Variants in RBL2 observed in about 807,000 individuals in gnomAD.
RBL2 encodes the protein RB transcriptional corepressor like 2.
In RBL2, 56 loss-of-function variants were observed where a neutral mutation model predicts 126.0. The observed-to-expected ratio is 0.44, with a 90% confidence interval of 0.36 to 0.56. The LOEUF (loss-of-function observed/expected upper bound fraction) is 0.56, where lower values mean the gene tolerates loss of function less well. Among genes scored for constraint, RBL2 ranks in the 20% least tolerant of loss-of-function variants. The pLI is 0.00. For missense variants in RBL2, 1,229 were observed against 1,398.2 expected (o/e 0.88, Z 1.93); for synonymous variants, 454 against 478.5 (o/e 0.95, Z 0.67).
intron 3 of RBL2, among the ~76,000 whole-genome samples, chr16:53,443,751 C>G (rs1252552114): frequency 6.6e-6 from 1 of 152,114 alleles, no homozygotes; most frequent in African/African-American, 2.4e-5. Flanking sequence ...GTTTGCTTCT[C>G]TTTAAATATA....
chr16:53,441,269 A>G (rs929730191), intron 2 of RBL2, among the ~76,000 whole-genome samples: 2 of 152,000 alleles, frequency 1.3e-5, no homozygotes, highest in Admixed American at 6.6e-5. Flanking sequence ...CAGGAACTCT[A>G]TATTGCTGGT....
chr16:53,485,758 A>G (rs1407930770), intron 21 of RBL2, among the ~76,000 whole-genome samples: 1 of 151,974 alleles, frequency 6.6e-6, no homozygotes, highest in Non-Finnish European at 1.5e-5. Context: ...CCGGAGGATA[A>G]GGTGGAAGGA....
intron 21 of RBL2, among the ~76,000 whole-genome samples, chr16:53,484,624 C>T (rs1961087771): frequency 1.3e-5 from 2 of 152,070 alleles, no homozygotes; most frequent in East Asian, 3.9e-4. Flanking sequence ...TATGAGTTGT[C>T]CAGAATGGGC....
chr16:53,455,224 A>G (rs2058155807), intron 8 of RBL2, among the ~76,000 whole-genome samples: 1 of 152,212 alleles, frequency 6.6e-6, no homozygotes, highest in Admixed American at 6.5e-5. Context: ...GAGGATCTAC[A>G]GTCTTTAAGA....
rs750326531 is a variant in RBL2 at position 53,459,529 on chromosome 16, T to C, written c.1258T>C (p.Ser420Pro). The C allele has an allele frequency of 1.1e-5, 17 of 1,612,364 alleles. No homozygotes were observed. The Middle Eastern group carries it at 4.9e-4, about 47-fold the overall frequency. Residue 420 changes from serine (S) to proline (P), a missense_variant, in exon 9 of 22, where the codon TCT becomes CCT. Ser to Pro is a moderately conservative substitution (Grantham distance 74). This residue lies in a region of RBL2 where 1,070 missense variants were observed against 1,274.3 expected (regional missense o/e 0.84). Coordinates refer to ENST00000262133, the MANE Select transcript of RBL2 (RefSeq NM_005611.4). Reference sequence around the variant, plus strand: ...GAATAGCCCTTGTGTGACTCCAGTTTCTACAGCTACGCATAGCTTGAGTCG... The same window carrying C: ...GAATAGCCCTTGTGTGACTCCAGTTCCTACAGCTACGCATAGCTTGAGTCG... The part of the protein sequence containing the change: ...KENSPCVTPV[S>P]TATHSLSRLH...
At chr16:53,457,112 C>G (rs975908999) in intron 8 of RBL2, among the ~76,000 whole-genome samples, 1 of 151,738 alleles carries the variant, frequency 6.6e-6, no homozygotes, top group Non-Finnish European at 1.5e-5. Flanking sequence ...GGGTTATTAG[C>G]ATGTTAAATT....
chr16:53,435,578 C>T (rs1301117921), intron 1 of RBL2: 3 of 1,234,930 alleles, frequency 2.4e-6, no homozygotes, highest in East Asian at 5.7e-5. Flanking sequence ...TATGCACCTC[C>T]CCTTCATGGG....
At chr16:53,490,032 TC>T in intron 21 of RBL2, 97 bp from the exon 22 acceptor site, 2 of 936,782 alleles carry the variant, frequency 2.1e-6, no homozygotes, top group Non-Finnish European at 2.9e-6. Context: ...TTCAAACTCT[TC>T]CAGGGTAAAC....
In RBL2 at chr16:53,464,347, T is replaced by G. The variant is rs527771515; in HGVS notation, c.1682T>G (p.Leu561Arg). Residue 561 changes from leucine (L) to arginine (R), a missense_variant, in exon 12 of 22, where the codon CTT (leucine) becomes CGT (arginine). Leu to Arg is a moderately radical substitution (Grantham distance 102). Coordinates refer to ENST00000262133, the MANE Select transcript of RBL2 (RefSeq NM_005611.4). ...ATTACTGAAATATTTGATGTGCCTC[T>G]TTATCATTTTTATAAGGTATTTTTA... ...PFITEIFDVP[L>R]YHFYKVIEVF... 1.9e-6 allele frequency: 3 copies of G among 1,569,844 alleles called. No individual in the cohort carries two copies. Among genetic ancestry groups the G allele is most frequent in the Non-Finnish European group, 2.6e-6 (3 of 1,144,410 alleles).
intron 1 of RBL2, among the ~76,000 whole-genome samples, chr16:53,437,682 A>AGTATTCTATC (rs1216002377): frequency 3.9e-5 from 6 of 152,224 alleles, no homozygotes; most frequent in Non-Finnish European, 8.8e-5. Flanking sequence ...ATATCCATTC[A>AGTATTCTATC]AGCTTAATTT....
At chr16:53,485,901 A>G (rs1046952526) in intron 21 of RBL2, among the ~76,000 whole-genome samples, 2 of 152,080 alleles carry the variant, frequency 1.3e-5, no homozygotes, top group Non-Finnish European at 2.9e-5. Context: ...ATTTTGGGAG[A>G]TGATTTTAAA....
chr16:53,485,856 A>AAAAAAAC (rs561636977), intron 21 of RBL2, among the ~76,000 whole-genome samples: 4,777 of 135,566 alleles, frequency 0.035, 217 homozygotes, highest in African/African-American at 0.11. Flanking sequence ...ACCATCTAAA[A>AAAAAAAC]AAAAACAAAA....
At chr16:53,445,481 T>C (rs569234154) in intron 3 of RBL2, among the ~76,000 whole-genome samples, 32 of 152,322 alleles carry the variant, frequency 2.1e-4, no homozygotes, top group African/African-American at 7.5e-4. Flanking sequence ...GACTTCAATA[T>C]GTATTACTTC....
chr16:53,453,500 C>G lies in RBL2; in HGVS notation c.815C>G (p.Pro272Arg), dbSNP rs751627270. The G allele has an allele frequency of 6.2e-7, 1 of 1,613,052 alleles. No homozygotes were observed. The highest frequency in any genetic ancestry group is 8.5e-7 in the Non-Finnish European group (1 of 1,179,358). The change falls in exon 6 of 22, where the codon CCC (proline) becomes CGC (arginine). Residue 272 changes from proline (P) to arginine (R), a missense_variant. Pro to Arg is a moderately radical substitution (Grantham distance 103, BLOSUM62 -2). Around this residue, in one of 2 missense-constraint regions of RBL2, gnomAD observed 1,070 missense variants for 1,274.3 expected, o/e 0.84. Coordinates refer to ENST00000262133, the MANE Select transcript of RBL2 (RefSeq NM_005611.4). ...AAAGATTCTAAACCTTCCTCTGACC[C>G]CCCTTGTATCATTGAGAAACTGTGT... ...HAKDSKPSSD[P>R]PCIIEKLCSL... is the part of the protein sequence containing the mutation.
chr16:53,461,331 GA>G, intron 9 of RBL2, among the ~76,000 whole-genome samples: 1 of 152,096 alleles, frequency 6.6e-6, no homozygotes, highest in East Asian at 1.9e-4. Context: ...CATCTCTACT[GA>G]AAATACAAAA....
Position 53,480,598 on chromosome 16 carries a change from A to C in RBL2, c.2913A>C (p.Ser971=). 1.9e-6 allele frequency: 3 copies of C among 1,613,972 alleles called. No individual in the cohort carries two copies. The highest frequency in any genetic ancestry group is 2.5e-6 in the Non-Finnish European group (3 of 1,179,938). Residue 971 remains serine (S), a synonymous_variant, in exon 20 of 22, where the codon TCA becomes TCC. Transcript: ENST00000262133. The part of the protein sequence containing the change: ...TSRDSSPVMR[S]SSTLPVPQPS... Reference sequence around the variant, plus strand: ...GAGACTCCAGTCCAGTTATGAGGTCAAGCAGCACCTTGCCAGTTCCACAGC... The same window carrying C: ...GAGACTCCAGTCCAGTTATGAGGTCCAGCAGCACCTTGCCAGTTCCACAGC...
Position 53,462,604 on chromosome 16 carries a change from A to C in RBL2, c.1509A>C (p.Leu503Phe), listed in dbSNP as rs776401931. Residue 503 changes from leucine to phenylalanine, a missense_variant, in exon 11 of 22, where the codon TTA becomes TTC. This residue lies in a region of RBL2 where 1,070 missense variants were observed against 1,274.3 expected (regional missense o/e 0.84). Transcript: ENST00000262133. ...CGGAGATGCTTTACTATAAAGTATT[A>C]GAATCTGTTATTGAGCAGGAACAAA... ...RFAEMLYYKV[L>F]ESVIEQEQKR... 6.4e-7 allele frequency: 1 copy of C among 1,574,116 alleles called. No homozygotes were observed. Among genetic ancestry groups the C allele is most frequent in the Non-Finnish European group, 8.6e-7 (1 of 1,167,802 alleles).
At position 53,459,548 on chromosome 16, in the gene RBL2, T is replaced by C. The variant is rs779297054; in HGVS notation, c.1277T>C (p.Leu426Ser). The change falls in exon 9 of 22, where the codon TTG becomes TCG. Residue 426 changes from leucine to serine, a missense_variant. Coordinates refer to ENST00000262133, the MANE Select transcript of RBL2 (RefSeq NM_005611.4). ...CCAGTTTCTACAGCTACGCATAGCT[T>C]GAGTCGTCTTCACACCATGCTGACA... is the stretch of plus-strand genomic sequence containing the variant. The part of the protein sequence containing the change: ...VTPVSTATHS[L>S]SRLHTMLTGL... 5.0e-6 allele frequency: 8 copies of C among 1,609,666 alleles called. No homozygotes were observed. Among genetic ancestry groups the C allele is most frequent in the Non-Finnish European group, 6.8e-6 (8 of 1,178,732 alleles).
At chr16:53,440,153 G>A (rs1020605048) in intron 2 of RBL2, among the ~76,000 whole-genome samples, 5 of 151,794 alleles carry the variant, frequency 3.3e-5, no homozygotes, top group African/African-American at 7.3e-5. Context: ...AAAATTAGCC[G>A]AGTGTGGTGA....
Sources: allele counts gnomAD v4.1 joint callset (sites outside exome capture counted in the v4.1 genomes callset), GRCh38; gene constraint gnomAD v4.1.1; regional missense constraint gnomAD v4.1.1; transcripts MANE v1.5; gene names NCBI Gene and HGNC (gene_info 2026-07-23, HGNC 2026-07-21).